COG3: variants seen among roughly 807,000 people sequenced by gnomAD.
COG3 encodes the protein conserved oligomeric Golgi complex subunit 3.
Under a neutral mutation model 114.1 loss-of-function variants are expected in COG3, and 32 were observed. That is an observed-to-expected ratio of 0.28 (90% CI 0.21 to 0.38). The LOEUF (loss-of-function observed/expected upper bound fraction) is 0.38. Ranked by LOEUF, COG3 falls within the 10% of genes least tolerant of loss-of-function variation. The pLI, the probability that COG3 is intolerant of heterozygous loss-of-function variation, is 1.00. For synonymous variants in COG3, 352 were observed against 365.7 expected (o/e 0.96, Z 0.43); for missense variants, 813 against 973.2 (o/e 0.84, Z 2.19).
intron 19 of COG3, among the ~76,000 whole-genome samples, chr13:45,523,647 G>T (rs1443519043): frequency 1.3e-5 from 2 of 152,130 alleles, no homozygotes; most frequent in Non-Finnish European, 2.9e-5. Context: ...AAAAATACTT[G>T]TGCGAAACCT....
intron 20 of COG3, among the ~76,000 whole-genome samples, chr13:45,526,455 G>A (rs1275640259): frequency 6.6e-6 from 1 of 152,098 alleles, no homozygotes; most frequent in Non-Finnish European, 1.5e-5. Flanking sequence ...GAATAGCTAT[G>A]TATCACTTAG....
At chr13:45,495,709 A>G (rs1868689421) in intron 12 of COG3, among the ~76,000 whole-genome samples, 1 of 152,192 alleles carries the variant, frequency 6.6e-6, no homozygotes, top group Non-Finnish European at 1.5e-5. Flanking sequence ...AGAAATACTA[A>G]GTAAACTCAT....
At chr13:45,485,219 C>G (rs934234094) in intron 7 of COG3, among the ~76,000 whole-genome samples, 1 of 126,952 alleles carries the variant, frequency 7.9e-6, no homozygotes, top group Non-Finnish European at 1.7e-5. Flanking sequence ...GGCGGCTGGC[C>G]GGGCAGGGGG....
At chr13:45,514,555 T>A (rs1871332835) in intron 16 of COG3, among the ~76,000 whole-genome samples, 1 of 152,250 alleles carries the variant, frequency 6.6e-6, no homozygotes, top group Non-Finnish European at 1.5e-5. Context: ...TCTAATTCTG[T>A]TTCCTACATA....
chr13:45,484,198 A>G (rs926328280), intron 7 of COG3, among the ~76,000 whole-genome samples: 1 of 152,232 alleles, frequency 6.6e-6, no homozygotes. Context: ...TTTACCGTTC[A>G]CATTGTTCTT....
At chr13:45,496,589 G>T (rs1868803813) in intron 13 of COG3, among the ~76,000 whole-genome samples, 1 of 151,912 alleles carries the variant, frequency 6.6e-6, no homozygotes, top group Admixed American at 6.6e-5. Context: ...ATCAAGATAA[G>T]TTTGCTATAA....
chr13:45,476,327 A>G lies in COG3; in HGVS notation c.301A>G (p.Arg101Gly), dbSNP rs1442062165. The change falls in exon 2 of 23, where the codon AGA becomes GGA. Residue 101 changes from arginine (R) to glycine (G), a missense_variant. Physicochemically the swap from Arg to Gly is moderately radical, Grantham distance 125 (BLOSUM62 -2). This residue lies in a region of COG3 where 424 missense variants were observed against 430.6 expected (regional missense o/e 0.98). Coordinates refer to ENST00000349995, the MANE Select transcript of COG3 (RefSeq NM_031431.4). Reference sequence around the variant, plus strand: ...CACTTCCTTAGGAATGGAAGAAGAAAGAATTGAAACCGCACAGCAGGTGAA... The same window carrying G: ...CACTTCCTTAGGAATGGAAGAAGAAGGAATTGAAACCGCACAGCAGGTGAA... ...GFTSLGMEEE[R>G]IETAQQFFSW... is the part of the protein sequence containing the mutation. The G allele has an allele frequency of 1.2e-6, 2 of 1,614,044 alleles. No homozygotes were observed. The highest frequency in any genetic ancestry group is 1.7e-6 in the Non-Finnish European group (2 of 1,179,976).
intron 12 of COG3, among the ~76,000 whole-genome samples, chr13:45,494,827 A>C (rs1868545456): frequency 6.8e-6 from 1 of 146,734 alleles, no homozygotes; most frequent in African/African-American, 2.5e-5. Flanking sequence ...TACCTGGCCA[A>C]AATTAATGTG....
At chr13:45,503,223 C>A in intron 13 of COG3, 21 bp from the exon 14 acceptor site, 1 of 1,185,312 alleles carries the variant, frequency 8.4e-7, no homozygotes, top group Non-Finnish European at 1.3e-6. Context: ...CGGTAACATT[C>A]CTTCTGATTT....
intron 15 of COG3, 73 bp from the exon 16 acceptor site, chr13:45,511,692 T>TA: frequency 4.5e-6 from 5 of 1,119,646 alleles, no homozygotes; most frequent in Non-Finnish European, 6.7e-6. Context: ...TATTTGCACT[T>TA]ACAGCCTAGG....
chr13:45,492,055 GT>G (rs747310100), intron 10 of COG3, 103 bp from the exon 11 acceptor site: 17 of 634,216 alleles, frequency 2.7e-5, no homozygotes, highest in Non-Finnish European at 3.5e-5. Flanking sequence ...TGTTTTAAGA[GT>G]GTGTATGTGT....
chr13:45,496,826 A>G (rs1453787385), intron 13 of COG3, among the ~76,000 whole-genome samples: 4 of 151,694 alleles, frequency 2.6e-5, no homozygotes, highest in Non-Finnish European at 4.4e-5. Context: ...GGCGCCCGCC[A>G]CCACACCCGG....
intron 15 of COG3, among the ~76,000 whole-genome samples, chr13:45,510,683 G>A (rs1870761919): frequency 6.6e-6 from 1 of 152,204 alleles, no homozygotes; most frequent in Non-Finnish European, 1.5e-5. Flanking sequence ...CACTATGCCA[G>A]TTTTGTCTTA....
intron 14 of COG3, among the ~76,000 whole-genome samples, chr13:45,506,632 G>A (rs529739975): frequency 2.0e-5 from 3 of 152,216 alleles, no homozygotes; most frequent in Non-Finnish European, 4.4e-5. Flanking sequence ...AGGATGAACA[G>A]CTCGTCATCT....
Position 45,465,216 on chromosome 13 carries a change from G to A in COG3, c.174+6G>A. ...ACTTGCCGGTGCCAGCTGAGGTGAGGTGATGGGCAGGAACCGGGCCGGGGC... is the reference window on the plus strand; with the variant it reads ...ACTTGCCGGTGCCAGCTGAGGTGAGATGATGGGCAGGAACCGGGCCGGGGC... On this transcript the variant is annotated splice_donor_region_variant and intron_variant, in intron 1 of 22. Transcript: ENST00000349995. 2.5e-6 allele frequency: 4 copies of A among 1,612,900 alleles called. No individual in the cohort carries two copies. The East Asian group carries it at 8.9e-5, about 36-fold the overall frequency.
At chr13:45,527,222 T>C (rs367914114) in intron 20 of COG3, among the ~76,000 whole-genome samples, 60 of 152,314 alleles carry the variant, frequency 3.9e-4, no homozygotes, top group African/African-American at 1.4e-3. Flanking sequence ...TAAGCATTAC[T>C]AGAATTTAGA....
At chr13:45,479,264 G>T (rs868297775) in intron 3 of COG3, among the ~76,000 whole-genome samples, 198 bp downstream of exon 3, 1 of 152,192 alleles carries the variant, frequency 6.6e-6, no homozygotes, top group Non-Finnish European at 1.5e-5. Context: ...AAAACAAAAA[G>T]AATTACATTA....
Position 45,491,061 on chromosome 13 carries a change from G to C in COG3, c.968+103G>C, listed in dbSNP as rs114584336. ...ATATTTTATGAGCAATTGCCTTCCA[G>C]CTTGTTCTTGTAACATACCACTTAT... On this transcript the variant is annotated intron_variant, in intron 9 of 22. Coordinates refer to ENST00000349995, the MANE Select transcript of COG3 (RefSeq NM_031431.4). 995 of 777,742 alleles carry C rather than the reference G, an allele frequency of 1.3e-3. 6 individuals carry two copies. In the African/African-American group the frequency reaches 0.016, roughly 13 times the overall value. The allele number at this position is 777,742 out of a possible 1,614,324, so 48.2% of individuals were successfully genotyped here.
rs1238690195 is a variant in COG3, at chr13:45,496,166, G to A, written c.1342G>A (p.Ala448Thr). 1.9e-6 allele frequency: 3 copies of A among 1,607,176 alleles called. No individual in the cohort carries two copies. The highest frequency in any genetic ancestry group is 2.2e-5 in the East Asian group (1 of 44,490). ...HVQNNAEQLGAFAAGVKQMLE... is the reference protein window; with the variant it reads ...HVQNNAEQLGTFAAGVKQMLE... ...TTTTTTATCAGCTGAGCAACTGGGG[G>A]CATTTGCAGCTGGAGTCAAGCAGAT... The change falls in exon 13 of 23, where the codon GCA becomes ACA. Residue 448 changes from alanine (A) to threonine (T), a missense_variant. Physicochemically the swap from Ala to Thr is moderately conservative, Grantham distance 58. Coordinates refer to ENST00000349995, the MANE Select transcript of COG3 (RefSeq NM_031431.4).
Sources: gnomAD v4.1 joint callset for allele counts (sites outside exome capture counted in the v4.1 genomes callset) on GRCh38, gnomAD v4.1.1 for gene constraint, gnomAD v4.1.1 regional missense constraint, MANE v1.5 for transcripts, NCBI Gene and HGNC (gene_info 2026-07-23, HGNC 2026-07-21) for gene names.